GLIS2: variants seen among roughly 807,000 people sequenced by gnomAD.
GLIS2 encodes GLIS family zinc finger 2.
GLIS2 carries 14 observed loss-of-function variants against 35.6 expected under a neutral mutation model. The ratio of observed to expected loss-of-function variants is 0.39; its 90% CI spans 0.26 to 0.61. The LOEUF (loss-of-function observed/expected upper bound fraction) is 0.61, where lower values mean the gene tolerates loss of function less well. Among genes scored for constraint, GLIS2 ranks in the 20% least tolerant of loss-of-function variants. The pLI, the probability that GLIS2 is intolerant of heterozygous loss-of-function variation, is 0.48. For synonymous variants in GLIS2, 368 were observed against 325.1 expected (o/e 1.13, Z -1.42); for missense variants, 675 against 713.4 (o/e 0.95, Z 0.61).
chr16:4,327,946 C>G (rs2053454753), intron 1 of GLIS2, among the ~76,000 whole-genome samples: 1 of 152,224 alleles, frequency 6.6e-6, no homozygotes, highest in African/African-American at 2.4e-5. Context: ...GGGGCGCTGC[C>G]CTGGGCGCAT....
chr16:4,336,560 T>TG, intron 6 of GLIS2, 165 bp from the exon 7 acceptor site: 1 of 741,190 alleles, frequency 1.3e-6, no homozygotes, highest in Non-Finnish European at 2.4e-6. Flanking sequence ...GTGCCCTGCC[T>TG]GGGGGCAGAT....
At chr16:4,327,884 C>A (rs984614463) in intron 1 of GLIS2, among the ~76,000 whole-genome samples, 1 of 152,070 alleles carries the variant, frequency 6.6e-6, no homozygotes, top group African/African-American at 2.4e-5. Flanking sequence ...GCCACCCCCA[C>A]CCCCCACCGA....
In GLIS2 at chr16:4,332,337, G is replaced by T. The variant is rs199506809; in HGVS notation, c.57G>T (p.Ala19=). Residue 19 remains alanine (A), a synonymous_variant, in exon 2 of 7, where the codon GCG becomes GCT. Coordinates refer to ENST00000433375, the MANE Select transcript of GLIS2 (RefSeq NM_032575.3). The surrounding 1 kb of genome is among the most constrained non-coding windows in gnomAD (Gnocchi z 5.4). ...DLKLSITKLR[A]AREKRERTLG... ...AGCTGAGTATCACCAAGCTCCGGGC[G>T]GCAAGAGAGAAGCGGGAGAGGACGC... 5 of 1,613,128 alleles carry T rather than the reference G, an allele frequency of 3.1e-6. No individual in the cohort carries two copies. In the African/African-American group the frequency reaches 5.3e-5, roughly 17 times the overall value.
intron 1 of GLIS2, among the ~76,000 whole-genome samples, chr16:4,322,889 G>A (rs1341026238): frequency 6.6e-6 from 1 of 152,214 alleles, no homozygotes; most frequent in East Asian, 1.9e-4. Flanking sequence ...GGAGCTCCTT[G>A]TGGGATCTGC....
At chr16:4,326,599 A>C (rs1412103017) in intron 1 of GLIS2, 1 of 152,144 alleles carries the variant, frequency 6.6e-6, no homozygotes, top group Admixed American at 6.6e-5. Flanking sequence ...CCCAAGCAGG[A>C]AAGGAGGAGC....
At chr16:4,321,375 G>A (rs1472185855) in intron 1 of GLIS2, among the ~76,000 whole-genome samples, 1 of 152,172 alleles carries the variant, frequency 6.6e-6, no homozygotes, top group African/African-American at 2.4e-5. Context: ...CTTTGGGCAC[G>A]AACCCCTCCA....
chr16:4,337,355 A>C lies in GLIS2; in HGVS notation c.1406A>C (p.Glu469Ala). The C allele has an allele frequency of 6.3e-7, 1 of 1,593,016 alleles. No individual in the cohort carries two copies. Among genetic ancestry groups the C allele is most frequent in the South Asian group, 1.1e-5 (1 of 87,904 alleles). ...CACAAGACGCCCCTTGAAAGGACGG[A>C]GAGCAGCTGCTCCCGGCCAAGCCCC... is the stretch of plus-strand genomic sequence containing the variant. ...EGHKTPLERT[E>A]SSCSRPSPDG... The change falls in exon 7 of 7, where the codon GAG (glutamate) becomes GCG (alanine). Residue 469 changes from glutamate to alanine, a missense_variant. By Grantham distance (107) the Glu-to-Ala change is moderately radical. This residue lies in a region of GLIS2 where 317 missense variants were observed against 283.2 expected (regional missense o/e 1.12). Transcript: ENST00000433375.
Position 4,333,549 on chromosome 16 carries a change from G to A in GLIS2, c.345+30G>A, listed in dbSNP as rs764818648. 77 of 1,589,826 alleles carry A rather than the reference G, an allele frequency of 4.8e-5. 2 individuals carry two copies. In the South Asian group the frequency reaches 8.2e-4, roughly 17 times the overall value. ...GGAGGGGTGAGAGTTCCGGAGAGAG[G>A]GGTGGACTGGTTTCCTGGGGTTGCC... On this transcript the variant is annotated intron_variant, in intron 3 of 6. Transcript: ENST00000433375.
At position 4,322,719 on chromosome 16, in the gene GLIS2, G is replaced by A. The variant is rs538555933; in HGVS notation, c.-67+6465G>A. Among the ~76,000 whole-genome samples the A allele has an allele frequency of 5.9e-5, 9 of 151,848 alleles. No homozygotes were observed. The East Asian group carries it at 9.7e-4, about 16-fold the overall frequency. ...GCCTGGCGTTGGAATGCATGAATGC[G>A]TGGTTGGAGAACCGAGGCAGGAGGG... is the stretch of plus-strand genomic sequence containing the variant. On this transcript the variant is annotated intron_variant, in intron 1 of 6. Transcript: ENST00000433375.
intron 1 of GLIS2, among the ~76,000 whole-genome samples, chr16:4,328,524 G>T (rs763770577): frequency 2.2e-4 from 33 of 152,238 alleles, no homozygotes; most frequent in African/African-American, 5.1e-4. Flanking sequence ...GGGTGGGGAG[G>T]GCCTGGAACA....
chr16:4,332,662 G>A lies in GLIS2; in HGVS notation c.172+210G>A, dbSNP rs1001342551. Among the ~76,000 whole-genome samples, 5 of 152,244 alleles carry A rather than the reference G, an allele frequency of 3.3e-5. No individual in the cohort carries two copies. Among genetic ancestry groups the A allele is most frequent in the Admixed American group, 1.3e-4 (2 of 15,288 alleles). Reference sequence around the variant, plus strand: ...TGCCCAGCTCACGTGGCTGGCACACGATGCAAACTGAGGCCTCTAGGCAGA... The same window carrying A: ...TGCCCAGCTCACGTGGCTGGCACACAATGCAAACTGAGGCCTCTAGGCAGA... On this transcript the variant is annotated intron_variant, in intron 2 of 6. Transcript: ENST00000433375. The surrounding 1 kb of genome is among the most constrained non-coding windows in gnomAD (Gnocchi z 5.4).
At chr16:4,330,076 A>C (rs2053482341) in intron 1 of GLIS2, among the ~76,000 whole-genome samples, 1 of 152,222 alleles carries the variant, frequency 6.6e-6, no homozygotes, top group South Asian at 2.1e-4. Flanking sequence ...CAGGAGTTTG[A>C]GACCAGCCTG....
At chr16:4,334,666 G>A in intron 3 of GLIS2, 135 bp from the exon 4 acceptor site, 1 of 997,320 alleles carries the variant, frequency 1.0e-6, no homozygotes, top group Admixed American at 1.9e-5. Context: ...TCCAAATAAG[G>A]CCACATGCAC....
rs1240079582 is a variant in GLIS2 at position 4,320,996 on chromosome 16, C to T, written c.-67+4742C>T. 6.6e-6 allele frequency among the ~76,000 whole-genome samples: 1 copy of T among 152,204 alleles called. No individual in the cohort carries two copies. The highest frequency in any genetic ancestry group is 1.5e-5 in the Non-Finnish European group (1 of 68,040). On this transcript the variant is annotated intron_variant, in intron 1 of 6. Coordinates refer to ENST00000433375, the MANE Select transcript of GLIS2 (RefSeq NM_032575.3). This position sits in a 1 kb window ranked among gnomAD's most constrained non-coding sequence, Gnocchi z 5.6. The stretch of plus-strand genomic sequence containing the variant: ...TGTTCCCCTTTGGAAGGAAAAGGAC[C>T]TCGATGGCTTTGGAGGCTGTCCCCG...
chr16:4,322,710 C>T (rs549682898), intron 1 of GLIS2, among the ~76,000 whole-genome samples: 1 of 151,544 alleles, frequency 6.6e-6, no homozygotes, highest in African/African-American at 2.4e-5. Flanking sequence ...CGTTGGAATG[C>T]ATGAATGCGT....
intron 1 of GLIS2, chr16:4,324,541 C>T (rs1039533428): frequency 6.6e-6 from 1 of 152,640 alleles, no homozygotes; most frequent in Non-Finnish European, 1.5e-5. Flanking sequence ...CCCAGGTTCT[C>T]CTGGTTCAGG....
rs753307068 is a variant in GLIS2 at position 4,336,762 on chromosome 16, C to T, written c.813C>T (p.Asn271=). 20 of 1,610,716 alleles carry T rather than the reference C, an allele frequency of 1.2e-5. No homozygotes were observed. The highest frequency in any genetic ancestry group is 1.7e-5 in the Admixed American group (1 of 59,700). The part of the protein sequence containing the change: ...KPYVCPYEGC[N]KRYSNSSDRF... Reference sequence around the variant, plus strand: ...ACGTCTGCCCCTACGAGGGCTGCAACAAGCGCTATTCCAACTCCAGTGACC... The same window carrying T: ...ACGTCTGCCCCTACGAGGGCTGCAATAAGCGCTATTCCAACTCCAGTGACC... Residue 271 remains asparagine, a synonymous_variant, in exon 7 of 7, where the codon AAC becomes AAT. Coordinates refer to ENST00000433375, the MANE Select transcript of GLIS2 (RefSeq NM_032575.3).
rs1276692536 is a variant in GLIS2, at chr16:4,332,327, A to G, written c.47A>G (p.Lys16Arg). The change falls in exon 2 of 7, where the codon AAG (lysine) becomes AGG (arginine). Residue 16 changes from lysine (K) to arginine (R), a missense_variant. This residue lies in a region of GLIS2 where 225 missense variants were observed against 238.7 expected (regional missense o/e 0.94). Coordinates refer to ENST00000433375, the MANE Select transcript of GLIS2 (RefSeq NM_032575.3). The surrounding 1 kb of genome is among the most constrained non-coding windows in gnomAD (Gnocchi z 5.4). ...CTCGACCTGAAGCTGAGTATCACCA[A>G]GCTCCGGGCGGCAAGAGAGAAGCGG... Reference protein sequence around the residue: ...EPLDLKLSITKLRAAREKRER... With the variant: ...EPLDLKLSITRLRAAREKRER... 1 of 1,613,220 alleles carries G rather than the reference A, an allele frequency of 6.2e-7. No individual in the cohort carries two copies. Among genetic ancestry groups the G allele is most frequent in the Non-Finnish European group, 8.5e-7 (1 of 1,180,008 alleles).
intron 1 of GLIS2, among the ~76,000 whole-genome samples, chr16:4,328,764 G>A (rs538943591): frequency 2.0e-5 from 3 of 152,332 alleles, no homozygotes; most frequent in African/African-American, 7.2e-5. Context: ...CACCTGGGGA[G>A]ACAGGCTCCT....
Sources: allele counts gnomAD v4.1 joint callset (sites outside exome capture counted in the v4.1 genomes callset), GRCh38; gene constraint gnomAD v4.1.1; regional missense constraint gnomAD v4.1.1; non-coding constraint Gnocchi (gnomAD v3.1); transcripts MANE v1.5; gene names NCBI Gene and HGNC (gene_info 2026-07-23, HGNC 2026-07-21).